The following ERLEC1 variants were observed in gnomAD, a reference collection of about 807,000 sequenced individuals.
ERLEC1 encodes the protein ER lectin.
ERLEC1 carries 47 observed loss-of-function variants against 68.0 expected under a neutral mutation model. The ratio of observed to expected loss-of-function variants is 0.69; its 90% confidence interval spans 0.55 to 0.88. The LOEUF (loss-of-function observed/expected upper bound fraction) is 0.88. Ranked by LOEUF, ERLEC1 falls within the 40% of genes least tolerant of loss-of-function variation. The probability of loss-of-function intolerance (pLI) is 0.00; values close to 1 mark genes in which losing one functional copy is unlikely to be tolerated. For missense variants in ERLEC1, 567 were observed against 583.8 expected (o/e 0.97, Z 0.30); for synonymous variants, 225 against 203.2 (o/e 1.11, Z -0.91).
intron 1 of ERLEC1, among the ~76,000 whole-genome samples, chr2:53,788,370 TTTTGGTTTGG>T (rs575408866): frequency 3.9e-5 from 6 of 152,052 alleles, no homozygotes; most frequent in Non-Finnish European, 7.4e-5. Context: ...GTTAGGGGTT[TTTTGGTTTGG>T]TTTGGTTTGG....
At chr2:53,788,288 G>A (rs1282754182) in intron 1 of ERLEC1, among the ~76,000 whole-genome samples, 1 of 152,166 alleles carries the variant, frequency 6.6e-6, no homozygotes, top group Non-Finnish European at 1.5e-5. Flanking sequence ...AACAGTAAGT[G>A]ACACTATGAT....
At chr2:53,814,373 G>A (rs1204073477) in intron 11 of ERLEC1, among the ~76,000 whole-genome samples, 170 bp from the exon 12 acceptor site, 2 of 152,118 alleles carry the variant, frequency 1.3e-5, no homozygotes, top group Non-Finnish European at 2.9e-5. Flanking sequence ...CCAAGAGAAT[G>A]CCTCTGTGAG....
chr2:53,809,269 A>G lies in ERLEC1; in HGVS notation c.1097A>G (p.His366Arg). Residue 366 changes from histidine to arginine, a missense_variant, in exon 10 of 14, where the codon CAT becomes CGT. Physicochemically the swap from His to Arg is conservative, Grantham distance 29. Transcript: ENST00000185150. Reference protein sequence around the residue: ...FCYGKHVHQYHEDKDSGKTSV... With the variant: ...FCYGKHVHQYREDKDSGKTSV... Reference sequence around the variant, plus strand: ...TATGGCAAACATGTACATCAATACCATGAGGTATAGAATAGCATTTATATA... The same window carrying G: ...TATGGCAAACATGTACATCAATACCGTGAGGTATAGAATAGCATTTATATA... The G allele has an allele frequency of 6.4e-7, 1 of 1,566,648 alleles. No individual in the cohort carries two copies. The highest frequency in any genetic ancestry group is 1.4e-5 in the African/African-American group (1 of 71,716).
chr2:53,805,060 T>C (rs1446557406), intron 8 of ERLEC1, among the ~76,000 whole-genome samples: 1 of 137,404 alleles, frequency 7.3e-6, no homozygotes, highest in East Asian at 2.3e-4. Flanking sequence ...AGTGGTGCAA[T>C]CTCTGCTCAC....
At chr2:53,810,297 C>A (rs1245803921) in intron 10 of ERLEC1, among the ~76,000 whole-genome samples, 1 of 151,834 alleles carries the variant, frequency 6.6e-6, no homozygotes, top group African/African-American at 2.4e-5. Context: ...TAGCAAAACC[C>A]CATCTCTACA....
intron 6 of ERLEC1, among the ~76,000 whole-genome samples, chr2:53,800,620 C>A (rs1675953577): frequency 6.6e-6 from 1 of 152,076 alleles, no homozygotes; most frequent in Non-Finnish European, 1.5e-5. Flanking sequence ...AGATCCCTGC[C>A]TCCAAAGAGC....
At chr2:53,815,062 G>A (rs1334524417) in intron 13 of ERLEC1, 127 bp downstream of exon 13, 18 of 572,358 alleles carry the variant, frequency 3.1e-5, no homozygotes, top group East Asian at 2.3e-4. Flanking sequence ...GCAGAGTGCC[G>A]TGGCATAATC....
intron 10 of ERLEC1, 35 bp downstream of exon 10, chr2:53,809,308 A>C (rs1676464938): frequency 7.2e-7 from 1 of 1,386,252 alleles, no homozygotes; most frequent in Non-Finnish European, 9.7e-7. Context: ...TTCTACCACT[A>C]GATGGTTTAA....
chr2:53,797,728 G>A lies in ERLEC1; in HGVS notation c.427-4G>A. The A allele has an allele frequency of 6.2e-7, 1 of 1,608,216 alleles. No individual in the cohort carries two copies. The highest frequency in any genetic ancestry group is 8.5e-7 in the Non-Finnish European group (1 of 1,176,374). ...GTATATTTTTATTTTACTTTTCAAT[G>A]TAGAAAATAAATATTCACGAGTACT... On this transcript the variant is annotated splice_polypyrimidine_tract_variant and splice_region_variant and intron_variant, in intron 4 of 13. Transcript: ENST00000185150.
intron 6 of ERLEC1, among the ~76,000 whole-genome samples, chr2:53,801,145 C>T (rs1044439615): frequency 3.9e-5 from 6 of 152,014 alleles, no homozygotes; most frequent in African/African-American, 1.4e-4. Context: ...TGTACATTTA[C>T]TTAACATGTT....
chr2:53,802,570 C>T (rs1174252425), intron 8 of ERLEC1, among the ~76,000 whole-genome samples: 1 of 152,206 alleles, frequency 6.6e-6, no homozygotes, highest in Non-Finnish European at 1.5e-5. Flanking sequence ...ATAAAATGCT[C>T]TTTCTGAAAT....
chr2:53,790,695 A>T (rs183930600), intron 1 of ERLEC1, among the ~76,000 whole-genome samples: 1 of 152,066 alleles, frequency 6.6e-6, no homozygotes, highest in African/African-American at 2.4e-5. Context: ...GCTGGTTTCA[A>T]ACTCCTGGTC....
intron 8 of ERLEC1, among the ~76,000 whole-genome samples, chr2:53,803,079 T>C (rs1222808714): frequency 3.9e-5 from 6 of 152,236 alleles, no homozygotes; most frequent in Non-Finnish European, 7.3e-5. Flanking sequence ...TGTGGTCTTG[T>C]ATTTCATTCA....
chr2:53,791,620 ATT>A (rs1414837678), intron 1 of ERLEC1, among the ~76,000 whole-genome samples: 9 of 152,166 alleles, frequency 5.9e-5, no homozygotes, highest in Non-Finnish European at 1.0e-4. Flanking sequence ...TAGAATTGCT[ATT>A]TGGCTTATTT....
chr2:53,797,408 A>G (rs1379812297), intron 3 of ERLEC1, 107 bp from the exon 4 acceptor site: 4 of 736,920 alleles, frequency 5.4e-6, no homozygotes. Context: ...ATTTAATGAA[A>G]GCTTACTCTG....
chr2:53,809,333 T>A, intron 10 of ERLEC1, 60 bp downstream of exon 10: 3 of 1,198,612 alleles, frequency 2.5e-6, no homozygotes, highest in Non-Finnish European at 3.5e-6. Context: ...TAAGAATCTG[T>A]TGTAGAAAAA....
At chr2:53,808,240 A>C in intron 8 of ERLEC1, 59 bp from the exon 9 acceptor site, 1 of 1,551,618 alleles carries the variant, frequency 6.4e-7, no homozygotes, top group South Asian at 1.2e-5. Flanking sequence ...TTAAGCCATA[A>C]CTGAAAAAAG....
At chr2:53,808,597 C>A in intron 9 of ERLEC1, 137 bp downstream of exon 9, 3 of 817,032 alleles carry the variant, frequency 3.7e-6, no homozygotes, top group Non-Finnish European at 5.7e-6. Context: ...AGAACATTTT[C>A]TTTTTGCAGT....
chr2:53,795,155 A>G (rs1017087727), intron 2 of ERLEC1, among the ~76,000 whole-genome samples: 4 of 152,160 alleles, frequency 2.6e-5, no homozygotes, highest in South Asian at 4.1e-4. Context: ...AAAATGCCCT[A>G]ATTGCCTCTT....
Sources: allele counts gnomAD v4.1 joint callset (sites outside exome capture counted in the v4.1 genomes callset), GRCh38; gene constraint gnomAD v4.1.1; transcripts MANE v1.5; gene names NCBI Gene and HGNC (gene_info 2026-07-23, HGNC 2026-07-21).